The following KCND3 variants were observed in gnomAD, a reference collection of about 807,000 sequenced individuals.
KCND3 encodes the protein A-type voltage-gated potassium channel KCND3.
KCND3 carries 9 observed loss-of-function variants against 51.1 expected under a neutral mutation model. The observed-to-expected ratio is 0.18, with a 90% CI of 0.11 to 0.31. The LOEUF (loss-of-function observed/expected upper bound fraction) is 0.31. Among genes scored for constraint, KCND3 ranks in the 10% least tolerant of loss-of-function variants. The probability of loss-of-function intolerance (pLI) is 1.00; values close to 1 mark genes in which losing one functional copy is unlikely to be tolerated. For missense variants in KCND3, 526 were observed against 903.8 expected, an observed-to-expected ratio of 0.58 and a Z score of 5.36; for synonymous variants, 349 against 368.0, an observed-to-expected ratio of 0.95 and a Z score of 0.59.
At chr1:111,930,634 A>C (rs1443156372) in intron 2 of KCND3, among the ~76,000 whole-genome samples, 2 of 151,180 alleles carry the variant, frequency 1.3e-5, no homozygotes. Context: ...AACCATCTCC[A>C]TAAAGCACCA....
At chr1:111,968,606 C>G (rs887842367) in intron 2 of KCND3, among the ~76,000 whole-genome samples, 1 of 152,136 alleles carries the variant, frequency 6.6e-6, no homozygotes, top group Non-Finnish European at 1.5e-5. Context: ...GATCTTCCTC[C>G]CCTACCCCCG....
At chr1:111,789,978 T>A (rs1664762054) in intron 2 of KCND3, among the ~76,000 whole-genome samples, 1 of 152,198 alleles carries the variant, frequency 6.6e-6, no homozygotes, top group African/African-American at 2.4e-5. Context: ...CCAACTATGG[T>A]CCTATGCCAG....
At chr1:111,958,491 A>T (rs1163784307) in intron 2 of KCND3, among the ~76,000 whole-genome samples, 1 of 152,210 alleles carries the variant, frequency 6.6e-6, no homozygotes. Flanking sequence ...ACCAGAGCAG[A>T]GGTGCTGCTA....
At chr1:111,849,453 GAATC>G (rs1667709645) in intron 2 of KCND3, among the ~76,000 whole-genome samples, 2 of 152,326 alleles carry the variant, frequency 1.3e-5, no homozygotes, top group South Asian at 4.1e-4. Context: ...AGGACTCAAG[GAATC>G]CCACCTCTGT....
intron 2 of KCND3, among the ~76,000 whole-genome samples, chr1:111,845,925 A>C (rs974141150): frequency 2.6e-5 from 4 of 152,054 alleles, no homozygotes; most frequent in African/African-American, 9.7e-5. Flanking sequence ...CTGCACCACC[A>C]TATCCTAAAG....
intron 2 of KCND3, among the ~76,000 whole-genome samples, chr1:111,858,807 T>C (rs1017681678): frequency 1.3e-4 from 20 of 152,274 alleles, no homozygotes; most frequent in African/African-American, 4.3e-4. Context: ...TGCCTACTCT[T>C]TTCCCTTGGC....
chr1:111,922,536 G>A (rs556036713), intron 2 of KCND3, among the ~76,000 whole-genome samples: 19 of 152,362 alleles, frequency 1.2e-4, no homozygotes, highest in African/African-American at 4.3e-4. Context: ...CATACTAGCT[G>A]TGTGACTTCA....
chr1:111,885,799 A>C (rs1473474004), intron 2 of KCND3, among the ~76,000 whole-genome samples: 2 of 152,082 alleles, frequency 1.3e-5, no homozygotes, highest in South Asian at 2.1e-4. Context: ...CAGCCTCCTG[A>C]GTAGCTGGGA....
At chr1:111,795,055 C>T (rs922187848) in intron 2 of KCND3, among the ~76,000 whole-genome samples, 11 of 152,160 alleles carry the variant, frequency 7.2e-5, no homozygotes, top group East Asian at 3.8e-4. Flanking sequence ...ACTTCAGAGG[C>T]GACCAGATCT....
intron 2 of KCND3, among the ~76,000 whole-genome samples, chr1:111,801,220 G>A (rs1435172961): frequency 6.6e-6 from 1 of 152,276 alleles, no homozygotes; most frequent in African/African-American, 2.4e-5. Flanking sequence ...GGGAGGGCTG[G>A]ATGCTGGGAG....
At chr1:111,847,585 G>T (rs555930665) in intron 2 of KCND3, among the ~76,000 whole-genome samples, 3 of 152,260 alleles carry the variant, frequency 2.0e-5, no homozygotes, top group African/African-American at 7.2e-5. Context: ...ATCTACGTGG[G>T]GCTGGGTGTA....
intron 2 of KCND3, among the ~76,000 whole-genome samples, chr1:111,972,363 G>A (rs1390339965): frequency 1.1e-4 from 17 of 151,678 alleles, no homozygotes; most frequent in Admixed American, 3.3e-4. Context: ...TAGTAGAGAC[G>A]GGGTTTCACC....
chr1:111,945,719 G>A (rs1212374583), intron 2 of KCND3, among the ~76,000 whole-genome samples: 1 of 152,196 alleles, frequency 6.6e-6, no homozygotes, highest in Admixed American at 6.5e-5. Flanking sequence ...TGGGTTTTCT[G>A]CCAAACAAGA....
At chr1:111,943,543 C>A (rs1672631981) in intron 2 of KCND3, among the ~76,000 whole-genome samples, 1 of 152,210 alleles carries the variant, frequency 6.6e-6, no homozygotes, top group South Asian at 2.1e-4. Flanking sequence ...AAGGCTAGAA[C>A]CTAAGTCTCC....
intron 2 of KCND3, among the ~76,000 whole-genome samples, chr1:111,890,539 T>C (rs1004095886): frequency 6.6e-6 from 1 of 152,150 alleles, no homozygotes; most frequent in Non-Finnish European, 1.5e-5. Context: ...GGCAAAGAAC[T>C]CAGATGGGTA....
rs111528555 is a variant in KCND3 at position 111,969,501 on chromosome 1, C to A, written c.1106+12120G>T. On this transcript the variant is annotated intron_variant, in intron 2 of 7. Coordinates refer to ENST00000302127, the MANE Select transcript of KCND3 (RefSeq NM_001378969.1). ...TCACTGCCAGTCTGAATCCCAAATT[C>A]TCCACTGATCAGTGGTAAGCTCTGA... Among the ~76,000 whole-genome samples, 490 of 152,342 alleles carry A rather than the reference C, an allele frequency of 3.2e-3. 1 individual carries two copies. The highest frequency in any genetic ancestry group is 0.014 in the Middle Eastern group (4 of 294).
intron 2 of KCND3, among the ~76,000 whole-genome samples, chr1:111,850,025 C>T (rs767249327): frequency 6.6e-6 from 1 of 152,168 alleles, no homozygotes; most frequent in Non-Finnish European, 1.5e-5. Flanking sequence ...AGCCTACCTT[C>T]TTGCCTAGGT....
intron 2 of KCND3, among the ~76,000 whole-genome samples, chr1:111,792,740 A>G (rs1259015653): frequency 1.3e-5 from 2 of 152,098 alleles, no homozygotes; most frequent in African/African-American, 4.8e-5. Flanking sequence ...TTTTTGTGAA[A>G]GCTCAACCTG....
At chr1:111,896,089 A>G (rs1313555655) in intron 2 of KCND3, among the ~76,000 whole-genome samples, 1 of 152,204 alleles carries the variant, frequency 6.6e-6, no homozygotes, top group African/African-American at 2.4e-5. Context: ...ACTTCTCTTC[A>G]TAACAGCCCC....
Sources: gnomAD v4.1 joint callset for allele counts (sites outside exome capture counted in the v4.1 genomes callset) on GRCh38, gnomAD v4.1.1 for gene constraint, MANE v1.5 for transcripts, NCBI Gene and HGNC (gene_info 2026-07-23, HGNC 2026-07-21) for gene names.